Variants in MRTFA observed in about 807,000 individuals in gnomAD.
The protein encoded by MRTFA is myocardin related transcription factor A, also known as myocardin-related transcription factor A.
MRTFA carries 20 observed loss-of-function variants against 83.5 expected under a neutral mutation model. The ratio of observed to expected loss-of-function variants is 0.24; its 90% CI spans 0.17 to 0.35. The LOEUF (loss-of-function observed/expected upper bound fraction) is 0.35. Ranked by LOEUF, MRTFA falls within the 10% of genes least tolerant of loss-of-function variation. The pLI, the probability that MRTFA is intolerant of heterozygous loss-of-function variation, is 1.00. For synonymous variants in MRTFA, 659 were observed against 541.2 expected, an observed-to-expected ratio of 1.22 and a Z score of -3.02; for missense variants, 1,200 against 1,224.7, an observed-to-expected ratio of 0.98 and a Z score of 0.30.
chr22:40,478,281 C>T (rs1472762759), intron 3 of MRTFA, among the ~76,000 whole-genome samples: 4 of 152,142 alleles, frequency 2.6e-5, no homozygotes, highest in Middle Eastern at 3.4e-3. Flanking sequence ...AGTGGGAAAA[C>T]GAATGAAATC....
At chr22:40,566,779 G>GAA (rs1312717503) in intron 2 of MRTFA, among the ~76,000 whole-genome samples, 2 of 152,200 alleles carry the variant, frequency 1.3e-5, no homozygotes, top group African/African-American at 4.8e-5. Flanking sequence ...GTTGCAGTGA[G>GAA]CCGACATCAC....
rs371448704 is a variant in MRTFA at position 40,620,774 on chromosome 22, C to G, written c.-84+15704G>C. ...AAAGCTCTATAGAGAACCCTCTTGTCTAATGACAAGAACCCCCAAAATATA... is the reference window on the plus strand; with the variant it reads ...AAAGCTCTATAGAGAACCCTCTTGTGTAATGACAAGAACCCCCAAAATATA... On this transcript the variant is annotated intron_variant, in intron 1 of 14. Coordinates refer to ENST00000355630, the MANE Select transcript of MRTFA (RefSeq NM_020831.6). Among the ~76,000 whole-genome samples the G allele has an allele frequency of 3.2e-4, 49 of 152,102 alleles. 1 individual carries two copies. The East Asian group carries it at 5.4e-3, about 17-fold the overall frequency.
At chr22:40,595,416 C>T (rs115187613) in intron 1 of MRTFA, among the ~76,000 whole-genome samples, 2,042 of 152,134 alleles carry the variant, frequency 0.013, 37 homozygotes, top group African/African-American at 0.047. Context: ...CCACCGCGCC[C>T]GGCCGAGAAA....
At chr22:40,621,046 T>C (rs1220037432) in intron 1 of MRTFA, among the ~76,000 whole-genome samples, 1 of 151,882 alleles carries the variant, frequency 6.6e-6, no homozygotes, top group Admixed American at 6.6e-5. Flanking sequence ...CCAAGTCTGG[T>C]GGTGCATGCC....
chr22:40,495,451 C>CA (rs1316601851), intron 3 of MRTFA, among the ~76,000 whole-genome samples: 3,252 of 121,466 alleles, frequency 0.027, 85 homozygotes, highest in Middle Eastern at 0.12. Context: ...GACTCCGTCT[C>CA]AAAAAAAAAA....
At chr22:40,589,829 C>T (rs192229250) in intron 2 of MRTFA, among the ~76,000 whole-genome samples, 2 of 152,146 alleles carry the variant, frequency 1.3e-5, no homozygotes, top group East Asian at 3.9e-4. Flanking sequence ...AAGTTCAAGA[C>T]CAGCCTGACC....
At chr22:40,488,865 G>A (rs115846027) in intron 3 of MRTFA, among the ~76,000 whole-genome samples, 4 of 152,186 alleles carry the variant, frequency 2.6e-5, no homozygotes, top group South Asian at 4.1e-4. Flanking sequence ...GCTCCTCACT[G>A]CTTTAGCCAC....
Position 40,411,527 on chromosome 22 carries a change from T to TGTCCAGGTGGCCATCAGCCAG in MRTFA, c.2938_2958dup (p.Leu980_Asp986dup), listed in dbSNP as rs1372375816. 1 of 1,613,072 alleles carries TGTCCAGGTGGCCATCAGCCAG rather than the reference T, an allele frequency of 6.2e-7. No homozygotes were observed. Among genetic ancestry groups the TGTCCAGGTGGCCATCAGCCAG allele is most frequent in the Non-Finnish European group, 8.5e-7 (1 of 1,179,382 alleles). On this transcript the variant is annotated inframe_insertion, in exon 15 of 15. Coordinates refer to ENST00000355630, the MANE Select transcript of MRTFA (RefSeq NM_020831.6). ...GACGACAGCTCCAGCCAGTCCATGC[T>TGTCCAGGTGGCCATCAGCCAG]GTCCAGGTGGCCATCAGCCAGGTCC...
chr22:40,423,429 G>T, intron 9 of MRTFA, 107 bp downstream of exon 9: 1 of 1,059,000 alleles, frequency 9.4e-7, no homozygotes, highest in South Asian at 3.0e-5. Flanking sequence ...AATGGGAGAA[G>T]ACACGCACCA....
intron 3 of MRTFA, among the ~76,000 whole-genome samples, chr22:40,479,385 A>C (rs1602310441): frequency 6.6e-6 from 1 of 152,014 alleles, no homozygotes; most frequent in African/African-American, 2.4e-5. Context: ...ACCTCCTCAC[A>C]CCCAACTATA....
intron 1 of MRTFA, among the ~76,000 whole-genome samples, chr22:40,616,644 T>C (rs999502188): frequency 1.3e-5 from 2 of 152,172 alleles, no homozygotes; most frequent in Non-Finnish European, 1.5e-5. Context: ...TTCTGACTTA[T>C]GTTAACAAGG....
intron 10 of MRTFA, 47 bp from the exon 11 acceptor site, chr22:40,420,623 C>T: frequency 1.9e-6 from 3 of 1,597,088 alleles, no homozygotes; most frequent in Non-Finnish European, 2.6e-6. Context: ...TCGCCCGTGG[C>T]CTCTGCAGGT....
intron 7 of MRTFA, among the ~76,000 whole-genome samples, chr22:40,425,774 C>T (rs559215392): frequency 1.3e-5 from 2 of 152,208 alleles, no homozygotes; most frequent in Admixed American, 6.5e-5. Flanking sequence ...GTACTGACAA[C>T]GGTGAGCAAG....
At chr22:40,544,876 G>A (rs1461455150) in intron 3 of MRTFA, among the ~76,000 whole-genome samples, 2 of 151,840 alleles carry the variant, frequency 1.3e-5, no homozygotes, top group Non-Finnish European at 2.9e-5. Flanking sequence ...GATTGAGGCC[G>A]CAGTGAGCAC....
intron 1 of MRTFA, among the ~76,000 whole-genome samples, chr22:40,629,302 C>T (rs2056615314): frequency 6.6e-6 from 1 of 151,614 alleles, no homozygotes; most frequent in South Asian, 2.1e-4. Flanking sequence ...AAAAATTAGC[C>T]GGGCATGGTG....
chr22:40,453,886 A>T (rs1602267693), intron 4 of MRTFA, among the ~76,000 whole-genome samples: 1 of 152,180 alleles, frequency 6.6e-6, no homozygotes, highest in African/African-American at 2.4e-5. Flanking sequence ...TTTCTAACAC[A>T]GCCACTTGTT....
At chr22:40,533,223 TCTAGA>T (rs2055112278) in intron 3 of MRTFA, among the ~76,000 whole-genome samples, 1 of 151,830 alleles carries the variant, frequency 6.6e-6, no homozygotes. Context: ...AAACATAGAG[TCTAGA>T]CTAGTGATTA....
chr22:40,630,087 C>A (rs77592387), intron 1 of MRTFA, among the ~76,000 whole-genome samples: 1 of 151,778 alleles, frequency 6.6e-6, no homozygotes, highest in African/African-American at 2.4e-5. Flanking sequence ...CCAAGGCAGG[C>A]GGATCACCTG....
chr22:40,564,826 T>C (rs1315497448), intron 2 of MRTFA, among the ~76,000 whole-genome samples: 1 of 152,052 alleles, frequency 6.6e-6, no homozygotes, highest in Admixed American at 6.5e-5. Context: ...TCATTTTTTG[T>C]ATTTTAGTAG....
Sources: allele counts gnomAD v4.1 joint callset (sites outside exome capture counted in the v4.1 genomes callset), GRCh38; gene constraint gnomAD v4.1.1; transcripts MANE v1.5; gene names NCBI Gene and HGNC (gene_info 2026-07-23, HGNC 2026-07-21).